Variants in LATS1 observed in about 807,000 individuals in gnomAD.
The protein encoded by LATS1 is serine/threonine-protein kinase LATS1.
A neutral mutation model predicts 106.6 loss-of-function variants in LATS1; 25 were observed. That is an observed-to-expected ratio of 0.23 (90% CI 0.17 to 0.33). LATS1 has a LOEUF of 0.33. Among genes scored for constraint, LATS1 ranks in the 10% least tolerant of loss-of-function variants. The pLI is 1.00. For missense variants in LATS1, 1,040 were observed against 1,382.6 expected, an observed-to-expected ratio of 0.75 and a Z score of 3.93; for synonymous variants, 465 against 455.6, an observed-to-expected ratio of 1.02 and a Z score of -0.26.
At chr6:149,704,494 T>G (rs1481474392) in intron 1 of LATS1, among the ~76,000 whole-genome samples, 2 of 63,114 alleles carry the variant, frequency 3.2e-5, no homozygotes, top group African/African-American at 7.6e-5. Flanking sequence ...TTTTTTTTTG[T>G]TTTTTTTTTT....
At position 149,678,162 on chromosome 6, in the gene LATS1, TCCAAAA is replaced by T. The variant is rs1450483973; in HGVS notation, c.2594-1431_2594-1426del. Among the ~76,000 whole-genome samples the T allele has an allele frequency of 1.3e-3, 38 of 28,626 alleles. 3 individuals are homozygous for T. In the South Asian group the frequency reaches 0.033, roughly 25 times the overall value. 18.8% of individuals were successfully genotyped at this position (28,626 alleles called of 152,430 possible). A position where few individuals can be genotyped will look rare whatever the true frequency, so the allele number is the denominator to read the frequency against. On this transcript the variant is annotated intron_variant, in intron 5 of 7. Coordinates refer to ENST00000543571, the MANE Select transcript of LATS1 (RefSeq NM_004690.4). ...GGTGAAACCTGGTCTCTACTAAAAA[TCCAAAA>T]AAAAAAAAAAAAAAAAAAAAAAAAA...
intron 1 of LATS1, among the ~76,000 whole-genome samples, chr6:149,703,319 T>C (rs985363409): frequency 6.6e-6 from 1 of 152,246 alleles, no homozygotes; most frequent in Non-Finnish European, 1.5e-5. Context: ...GGTCCCTTTA[T>C]GCTTCAAAAA....
intron 7 of LATS1, among the ~76,000 whole-genome samples, chr6:149,668,724 C>T (rs1459964751): frequency 6.6e-6 from 1 of 151,632 alleles, no homozygotes; most frequent in Non-Finnish European, 1.5e-5. Flanking sequence ...GGATTGCAGG[C>T]ATAAGCCACT....
rs750014191 is a variant in LATS1, at chr6:149,683,481, G to A, written c.1608C>T (p.Thr536=). 3.5e-5 allele frequency: 57 copies of A among 1,614,040 alleles called. No individual in the cohort carries two copies. The highest frequency in any genetic ancestry group is 4.7e-5 in the Non-Finnish European group (55 of 1,180,050). ...GTGGCATCACAGTCACATTTGAAGC[G>A]GTTCCCTCAGGAAAAGGACTGGGTT... ...TVQPSPFPEG[T]ASNVTVMPPV... Residue 536 remains threonine, a synonymous_variant, in exon 4 of 8, where the codon ACC becomes ACT. Transcript: ENST00000543571.
At chr6:149,688,492 TAG>T (rs1364299160) in intron 3 of LATS1, among the ~76,000 whole-genome samples, 1 of 151,840 alleles carries the variant, frequency 6.6e-6, no homozygotes, top group Non-Finnish European at 1.5e-5. Flanking sequence ...GTATTTTTAG[TAG>T]AGATGGGGTT....
intron 3 of LATS1, among the ~76,000 whole-genome samples, chr6:149,690,691 C>A (rs1782694875): frequency 6.6e-6 from 1 of 151,978 alleles, no homozygotes; most frequent in Non-Finnish European, 1.5e-5. Context: ...GGACTACAGG[C>A]ACATGTCACC....
chr6:149,707,765 G>A (rs1020885772), intron 1 of LATS1, among the ~76,000 whole-genome samples: 5 of 152,158 alleles, frequency 3.3e-5, no homozygotes, highest in African/African-American at 1.2e-4. Context: ...AAATAATTTG[G>A]TTGTGTGCTG....
At chr6:149,676,941 T>C (rs1033415946) in intron 5 of LATS1, among the ~76,000 whole-genome samples, 1 of 151,930 alleles carries the variant, frequency 6.6e-6, no homozygotes, top group Non-Finnish European at 1.5e-5. Flanking sequence ...ATTTTACACT[T>C]AAAAAAAATT....
At chr6:149,711,998 G>A (rs752103501) in intron 1 of LATS1, among the ~76,000 whole-genome samples, 8 of 152,156 alleles carry the variant, frequency 5.3e-5, no homozygotes, top group Non-Finnish European at 8.8e-5. Context: ...GCGCACACAC[G>A]CAGCACACAG....
rs1368213585 is a variant in LATS1, at chr6:149,683,326, G to A, written c.1763C>T (p.Pro588Leu). 3.1e-6 allele frequency: 5 copies of A among 1,613,808 alleles called. No homozygotes were observed. The African/African-American group carries it at 6.7e-5, about 22-fold the overall frequency. ...KPSKEDQPSL[P>L]KEDESEKSYE... is the part of the protein sequence containing the mutation. ...ACTCTTTTCACTCTCATCTTCCTTG[G>A]GCAAGCTTGGCTGATCCTCTTTGCT... Residue 588 changes from proline (P) to leucine (L), a missense_variant, in exon 4 of 8, where the codon CCC becomes CTC. Around this residue, in one of 7 missense-constraint regions of LATS1, gnomAD observed 167 missense variants for 332.1 expected, o/e 0.50. Coordinates refer to ENST00000543571, the MANE Select transcript of LATS1 (RefSeq NM_004690.4).
chr6:149,699,768 T>C (rs1783344354), intron 2 of LATS1, among the ~76,000 whole-genome samples: 1 of 152,196 alleles, frequency 6.6e-6, no homozygotes, highest in African/African-American at 2.4e-5. Context: ...CTTAAAGGTA[T>C]AGGCCATGTC....
chr6:149,681,117 T>C (rs1411214120), intron 4 of LATS1, among the ~76,000 whole-genome samples: 3 of 152,146 alleles, frequency 2.0e-5, no homozygotes, highest in Admixed American at 1.3e-4. Context: ...AAGAACAACC[T>C]GGTTGTTTAC....
intron 7 of LATS1, among the ~76,000 whole-genome samples, chr6:149,664,592 A>G (rs1582836089): frequency 1.3e-5 from 2 of 152,190 alleles, no homozygotes; most frequent in East Asian, 3.8e-4. Context: ...CCTCCCACAG[A>G]AGGCAGCTAT....
intron 7 of LATS1, among the ~76,000 whole-genome samples, chr6:149,665,970 C>G (rs574770997): frequency 9.9e-5 from 15 of 151,488 alleles, no homozygotes; most frequent in Non-Finnish European, 1.8e-4. Context: ...AGTGAAACCC[C>G]GTCTCTACTA....
In LATS1 at chr6:149,670,188, A is replaced by G. The variant is rs932157530; in HGVS notation, c.2883+6072T>C. On this transcript the variant is annotated intron_variant, in intron 7 of 7. Coordinates refer to ENST00000543571, the MANE Select transcript of LATS1 (RefSeq NM_004690.4). ...TTGCATCTCAAAAAAAAAAAAAAAA[A>G]AAAAAGAAAAGAAAAGAAAAGAAAA... 2.2e-5 allele frequency among the ~76,000 whole-genome samples: 3 copies of G among 134,708 alleles called. 1 individual carries two copies. The highest frequency in any genetic ancestry group is 7.0e-5 in the African/African-American group (2 of 28,716). 88.4% of individuals were successfully genotyped at this position (134,708 alleles called of 152,430 possible). A position where few individuals can be genotyped will look rare whatever the true frequency, so the allele number is the denominator to read the frequency against.
intron 3 of LATS1, among the ~76,000 whole-genome samples, chr6:149,685,193 G>A (rs1035903737): frequency 2.6e-5 from 4 of 151,928 alleles, no homozygotes; most frequent in South Asian, 2.1e-4. Context: ...AACTGAGATC[G>A]TGCCACTGCA....
At chr6:149,684,719 TAAA>T in intron 3 of LATS1, 127 bp from the exon 4 acceptor site, 1 of 675,558 alleles carries the variant, frequency 1.5e-6, no homozygotes, top group Non-Finnish European at 2.3e-6. Context: ...TATAAAAATA[TAAA>T]AAAGTTCAAG....
At chr6:149,674,626 G>C (rs1264656336) in intron 7 of LATS1, among the ~76,000 whole-genome samples, 2 of 147,782 alleles carry the variant, frequency 1.4e-5, no homozygotes, top group Non-Finnish European at 3.0e-5. Flanking sequence ...TGTCTGCCAC[G>C]ACCTTGCAAA....
At position 149,695,084 on chromosome 6, in the gene LATS1, G is replaced by C; in HGVS notation, c.486C>G (p.Ser162Arg). ...TATTTGATTAATCACCTGGTTTCATGCTGGCATTAATAGGTCTGGCAGCTG... is the reference window on the plus strand; with the variant it reads ...TATTTGATTAATCACCTGGTTTCATCCTGGCATTAATAGGTCTGGCAGCTG... The part of the protein sequence containing the change: ...AAAAARPINA[S>R]MKPGNVQQSV... The change falls in exon 3 of 8, where the codon AGC (serine) becomes AGG (arginine). Residue 162 changes from serine (S) to arginine (R), a missense_variant. Coordinates refer to ENST00000543571, the MANE Select transcript of LATS1 (RefSeq NM_004690.4). 6.3e-7 allele frequency: 1 copy of C among 1,592,578 alleles called. No individual in the cohort carries two copies. Among genetic ancestry groups the C allele is most frequent in the Non-Finnish European group, 8.5e-7 (1 of 1,172,782 alleles).
Sources: gnomAD v4.1 joint callset for allele counts (sites outside exome capture counted in the v4.1 genomes callset) on GRCh38, gnomAD v4.1.1 for gene constraint, gnomAD v4.1.1 regional missense constraint, MANE v1.5 for transcripts, NCBI Gene and HGNC (gene_info 2026-07-23, HGNC 2026-07-21) for gene names.